OSBPL10: variants seen among roughly 807,000 people sequenced by gnomAD.
OSBPL10 encodes the protein oxysterol-binding protein-related protein 10.
Under a neutral mutation model 81.7 loss-of-function variants are expected in OSBPL10, and 49 were observed. That is an observed-to-expected ratio of 0.60 (90% CI 0.48 to 0.76). The LOEUF (loss-of-function observed/expected upper bound fraction) is 0.76, where lower values mean the gene tolerates loss of function less well. Ranked by LOEUF, OSBPL10 falls within the 30% of genes least tolerant of loss-of-function variation. The pLI, the probability that OSBPL10 is intolerant of heterozygous loss-of-function variation, is 0.00. For synonymous variants in OSBPL10, 419 were observed against 383.6 expected, an observed-to-expected ratio of 1.09 and a Z score of -1.08; for missense variants, 923 against 987.8, an observed-to-expected ratio of 0.93 and a Z score of 0.88.
chr3:31,903,658 C>T lies in OSBPL10; in HGVS notation c.282-23828G>A, dbSNP rs114076417. Among the ~76,000 whole-genome samples, 1,206 of 152,154 alleles carry T rather than the reference C, an allele frequency of 7.9e-3. 15 individuals carry two copies. The highest frequency in any genetic ancestry group is 0.027 in the African/African-American group (1,115 of 41,500). ...TAGCCCTTTTTAAAGATGAGGAAAC[C>T]GAGACACAGAGATCTCTCATCAGAG... On this transcript the variant is annotated intron_variant, in intron 1 of 11. Coordinates refer to ENST00000396556, the MANE Select transcript of OSBPL10 (RefSeq NM_017784.5).
Position 31,668,700 on chromosome 3 carries a change from G to A in OSBPL10, c.2038C>T (p.Leu680=), listed in dbSNP as rs750677847. ...GETKVIDTTT[L]PVYPKKIRPL... ...CTGATCTTCTTGGGATACACTGGCAGTGTGGTTGTGTCGATGACTTTGGTT... is the reference window on the plus strand; with the variant it reads ...CTGATCTTCTTGGGATACACTGGCAATGTGGTTGTGTCGATGACTTTGGTT... The change falls in exon 10 of 12, where the codon CTG becomes TTG. Residue 680 remains leucine, a synonymous_variant. Coordinates refer to ENST00000396556, the MANE Select transcript of OSBPL10 (RefSeq NM_017784.5). 1.9e-6 allele frequency: 3 copies of A among 1,614,182 alleles called. No individual in the cohort carries two copies. The highest frequency in any genetic ancestry group is 1.7e-6 in the Non-Finnish European group (2 of 1,180,026).
intron 4 of OSBPL10, among the ~76,000 whole-genome samples, chr3:31,813,544 CA>C (rs1177104673): frequency 6.6e-6 from 1 of 152,166 alleles, no homozygotes; most frequent in African/African-American, 2.4e-5. Flanking sequence ...CCTTTAACAC[CA>C]ACTATCATCC....
At chr3:31,781,904 G>A (rs1432651782) in intron 4 of OSBPL10, among the ~76,000 whole-genome samples, 1 of 152,092 alleles carries the variant, frequency 6.6e-6, no homozygotes, top group Non-Finnish European at 1.5e-5. Context: ...CAAATTCAAT[G>A]TGATTCCCAT....
At position 31,754,385 on chromosome 3, in the gene OSBPL10, C is replaced by T. The variant is rs531963027; in HGVS notation, c.730-6265G>A. 5.3e-5 allele frequency among the ~76,000 whole-genome samples: 8 copies of T among 152,102 alleles called. 2 individuals carry two copies. The highest frequency in any genetic ancestry group is 2.0e-4 in the Admixed American group (3 of 15,264). ...GCTAAGAGAGTGACGGTGGCAATAA[C>T]GGACAAGATGAGCGGAAGGAAGAGG... On this transcript the variant is annotated intron_variant, in intron 4 of 11. Coordinates refer to ENST00000396556, the MANE Select transcript of OSBPL10 (RefSeq NM_017784.5).
chr3:31,773,429 C>T (rs1245136349), intron 4 of OSBPL10, among the ~76,000 whole-genome samples: 1 of 152,156 alleles, frequency 6.6e-6, no homozygotes, highest in Non-Finnish European at 1.5e-5. Context: ...CAATAGTTCT[C>T]ATCACATAGG....
chr3:32,004,192 T>A (rs759773707), intron 2 of OSBPL10, among the ~76,000 whole-genome samples: 1 of 152,202 alleles, frequency 6.6e-6, no homozygotes, highest in Non-Finnish European at 1.5e-5. Context: ...GAGAAGCAGA[T>A]CCTGTTAGAG....
chr3:31,678,087 C>CA (rs1174037204), intron 8 of OSBPL10, among the ~76,000 whole-genome samples: 10,000 of 76,420 alleles, frequency 0.13, 1,112 homozygotes, highest in African/African-American at 0.27. Flanking sequence ...GACTCCGTCT[C>CA]AAAAAAAAAA....
At chr3:31,789,770 A>C (rs1698965189) in intron 4 of OSBPL10, among the ~76,000 whole-genome samples, 1 of 152,232 alleles carries the variant, frequency 6.6e-6, no homozygotes, top group South Asian at 2.1e-4. Flanking sequence ...TCCCTCTGCA[A>C]GGTTCTTTCC....
intron 4 of OSBPL10, among the ~76,000 whole-genome samples, chr3:31,799,820 T>C (rs183610476): frequency 1.3e-5 from 2 of 152,350 alleles, no homozygotes; most frequent in Admixed American, 1.3e-4. Flanking sequence ...TTTCCAATTC[T>C]TCTGCCTCAG....
chr3:31,841,141 C>T (rs1014474415), intron 3 of OSBPL10, among the ~76,000 whole-genome samples: 25 of 152,176 alleles, frequency 1.6e-4, no homozygotes, highest in Admixed American at 1.0e-3. Context: ...CTCCCGACCT[C>T]GGGTGATCCA....
At chr3:31,927,577 T>A (rs377415496) in intron 1 of OSBPL10, among the ~76,000 whole-genome samples, 6 of 150,664 alleles carry the variant, frequency 4.0e-5, no homozygotes, top group African/African-American at 1.5e-4. Context: ...AATTGTACTA[T>A]ACTGATATAA....
intron 1 of OSBPL10, among the ~76,000 whole-genome samples, chr3:31,885,119 G>C (rs1274948858): frequency 6.6e-6 from 1 of 152,084 alleles, no homozygotes; most frequent in Admixed American, 6.5e-5. Context: ...ACATCCTTCA[G>C]ATATATCCAT....
chr3:31,898,006 CAAAAAAAAA>C (rs58479197), intron 1 of OSBPL10, among the ~76,000 whole-genome samples: 47 of 62,474 alleles, frequency 7.5e-4, no homozygotes, highest in Non-Finnish European at 7.6e-4. Flanking sequence ...AGAACTCTGT[CAAAAAAAAA>C]AAAAAAAAAA....
chr3:31,786,765 G>C lies in OSBPL10; in HGVS notation c.730-38645C>G, dbSNP rs758758320. Among the ~76,000 whole-genome samples, 5 of 152,204 alleles carry C rather than the reference G, an allele frequency of 3.3e-5. No individual in the cohort carries two copies. The East Asian group carries it at 9.6e-4, about 29-fold the overall frequency. Reference sequence around the variant, plus strand: ...ATGATTTAAGCACTTTAAAAGTTTTGGTTTTGGTTTTCTTAAGTCTTTGTT... The same window carrying C: ...ATGATTTAAGCACTTTAAAAGTTTTCGTTTTGGTTTTCTTAAGTCTTTGTT... On this transcript the variant is annotated intron_variant, in intron 4 of 11. Transcript: ENST00000396556.
chr3:31,882,472 A>T lies in OSBPL10; in HGVS notation c.282-2642T>A, dbSNP rs545953300. Reference sequence around the variant, plus strand: ...CCCCACCCAAGCCCTGCTGAATCAGAAACTGTTTTAACAAGCTTCCAGGTA... The same window carrying T: ...CCCCACCCAAGCCCTGCTGAATCAGTAACTGTTTTAACAAGCTTCCAGGTA... On this transcript the variant is annotated intron_variant, in intron 1 of 11. Transcript: ENST00000396556. Among the ~76,000 whole-genome samples, 13 of 152,346 alleles carry T rather than the reference A, an allele frequency of 8.5e-5. No homozygotes were observed. In the South Asian group the frequency reaches 2.5e-3, roughly 29 times the overall value.
intron 1 of OSBPL10, among the ~76,000 whole-genome samples, chr3:31,970,729 G>C (rs1237420608): frequency 2.0e-5 from 3 of 152,240 alleles, no homozygotes; most frequent in Non-Finnish European, 4.4e-5. Context: ...CAGGGCCAGC[G>C]TTCCCCTTGT....
At chr3:31,791,915 A>T (rs1699020398) in intron 4 of OSBPL10, among the ~76,000 whole-genome samples, 2 of 152,138 alleles carry the variant, frequency 1.3e-5, no homozygotes, top group Admixed American at 6.5e-5. Context: ...AACAATCTGC[A>T]AAACAGTGGA....
At chr3:31,919,103 C>G (rs1174110301) in intron 1 of OSBPL10, among the ~76,000 whole-genome samples, 1 of 152,176 alleles carries the variant, frequency 6.6e-6, no homozygotes, top group Non-Finnish European at 1.5e-5. Context: ...ACCCAGAATG[C>G]CCTGCCCAGA....
At chr3:31,665,229 C>A (rs1030466711) in intron 10 of OSBPL10, among the ~76,000 whole-genome samples, 1 of 152,094 alleles carries the variant, frequency 6.6e-6, no homozygotes, top group Non-Finnish European at 1.5e-5. Flanking sequence ...AGGAAAGGAC[C>A]CATGATAAAT....
Sources: gnomAD v4.1 joint callset for allele counts (sites outside exome capture counted in the v4.1 genomes callset) on GRCh38, gnomAD v4.1.1 for gene constraint, MANE v1.5 for transcripts, NCBI Gene and HGNC (gene_info 2026-07-23, HGNC 2026-07-21) for gene names.